CCL24: variants seen among roughly 807,000 people sequenced by gnomAD.
The protein encoded by CCL24 is C-C motif chemokine 24.
A neutral mutation model predicts 8.6 loss-of-function variants in CCL24; 6 were observed. That is an observed-to-expected ratio of 0.70 (90% CI 0.38 to 1.38). The LOEUF (loss-of-function observed/expected upper bound fraction) is 1.38. Among genes scored for constraint, CCL24 ranks in the 40% most tolerant of loss-of-function variants. The pLI, the probability that CCL24 is intolerant of heterozygous loss-of-function variation, is 0.02. For missense variants in CCL24, 126 were observed against 147.1 expected (o/e 0.86, Z 0.74); for synonymous variants, 59 against 52.7 (o/e 1.12, Z -0.52).
chr7:75,813,759 T>A lies in CCL24; in HGVS notation c.-44A>T, dbSNP rs376218311. ...ACCAGCTCGGGGCTCAAAGCTGACG[T>A]GCAGGAGGAAAGGACCTAGGGATAA... On this transcript the variant is annotated 5_prime_UTR_variant, in exon 1 of 3. Coordinates refer to ENST00000222902, the MANE Select transcript of CCL24 (RefSeq NM_002991.3). The A allele has an allele frequency of 3.9e-6, 6 of 1,532,976 alleles. No homozygotes were observed. The East Asian group carries it at 1.3e-4, about 34-fold the overall frequency. 95.0% of individuals were successfully genotyped at this position (1,532,976 alleles called of 1,614,324 possible).
intron 2 of CCL24, among the ~76,000 whole-genome samples, chr7:75,812,455 T>C (rs1192718270): frequency 6.6e-6 from 1 of 152,142 alleles, no homozygotes; most frequent in Non-Finnish European, 1.5e-5. Flanking sequence ...TATGAAGCTA[T>C]TTGGAGGACA....
chr7:75,817,469 G>C (rs1335453558), upstream of CCL24, among the ~76,000 whole-genome samples: 1 of 151,690 alleles, frequency 6.6e-6, no homozygotes, highest in Non-Finnish European at 1.5e-5. Flanking sequence ...TACCCATTAA[G>C]GGCTTTTCCA....
rs1563353739 is a variant in CCL24, at chr7:75,820,025, CT to C, written c.-60+3296del. ...AAGGGCTTTTAGTAAACTACTTCTT[CT>C]TCTTCTTCTTCTTCTTCTTCTTCTT... On this transcript the variant is annotated intron_variant, in intron 1 of 3. Transcript: ENST00000416943. Among the ~76,000 whole-genome samples, 993 of 104,950 alleles carry C rather than the reference CT, an allele frequency of 9.5e-3. 20 individuals are homozygous for C. The highest frequency in any genetic ancestry group is 0.013 in the South Asian group (40 of 2,996). The allele number at this position is 104,950 out of a possible 152,430, so 68.9% of individuals were successfully genotyped here.
rs956054515 is a variant in CCL24, at chr7:75,811,749, G to A, written c.*47C>T. ...GGCTTCTCCAGGCCCCGAGTAGCCC[G>A]CCAAGCAGCTCAGGCCCAAACTCAG... is the stretch of plus-strand genomic sequence containing the variant. On this transcript the variant is annotated 3_prime_UTR_variant, in exon 3 of 3. Transcript: ENST00000222902. 29 of 1,543,256 alleles carry A rather than the reference G, an allele frequency of 1.9e-5. No homozygotes were observed. Among genetic ancestry groups the A allele is most frequent in the East Asian group, 1.6e-4 (7 of 43,376 alleles).
rs757039556 is a variant in CCL24, at chr7:75,810,947, C to T, written c.*849G>A. Reference sequence around the variant, plus strand: ...GAAAAAAAAAGCTAGAGTCTTTTCTCCCCCTAATCCCCCCACCCTATCTTC... The same window carrying T: ...GAAAAAAAAAGCTAGAGTCTTTTCTTCCCCTAATCCCCCCACCCTATCTTC... On this transcript the variant is annotated 3_prime_UTR_variant, in exon 3 of 3. Transcript: ENST00000222902. Among the ~76,000 whole-genome samples, 2 of 151,730 alleles carry T rather than the reference C, an allele frequency of 1.3e-5. No individual in the cohort carries two copies. Among genetic ancestry groups the T allele is most frequent in the East Asian group, 3.9e-4 (2 of 5,176 alleles).
chr7:75,813,629 G>T lies in CCL24; in HGVS notation c.73+14C>A, dbSNP rs781822160. The T allele has an allele frequency of 6.2e-7, 1 of 1,607,780 alleles. No homozygotes were observed. Among genetic ancestry groups the T allele is most frequent in the Non-Finnish European group, 8.5e-7 (1 of 1,174,262 alleles). On this transcript the variant is annotated intron_variant, in intron 1 of 2. Transcript: ENST00000222902. ...AGCCATGCCCTTGGAACTGCATCCTGTCGGAGGTCTTACCCGTAGGGATGA... is the reference window on the plus strand; with the variant it reads ...AGCCATGCCCTTGGAACTGCATCCTTTCGGAGGTCTTACCCGTAGGGATGA...
Position 75,811,912 on chromosome 7 carries a change from C to T in CCL24, c.244G>A (p.Val82Ile), listed in dbSNP as rs1554533497. 1.2e-6 allele frequency: 2 copies of T among 1,610,318 alleles called. No individual in the cohort carries two copies. The highest frequency in any genetic ancestry group is 8.5e-7 in the Non-Finnish European group (1 of 1,179,456). Residue 82 changes from valine to isoleucine, a missense_variant, in exon 3 of 3, where the codon GTC becomes ATC. Physicochemically the swap from Val to Ile is conservative, Grantham distance 29. Coordinates refer to ENST00000222902, the MANE Select transcript of CCL24 (RefSeq NM_002991.3). ...TCCAGGTTCTTCATGTACCTCTGGA[C>T]CCACTCCTGCTTGGGGTCGCCACAG... ...QFCGDPKQEWVQRYMKNLDAK... is the reference protein window; with the variant it reads ...QFCGDPKQEWIQRYMKNLDAK...
At chr7:75,819,774 T>G (rs1178556330) in intron 1 of CCL24, among the ~76,000 whole-genome samples, 3 of 152,078 alleles carry the variant, frequency 2.0e-5, no homozygotes, top group Non-Finnish European at 4.4e-5. Context: ...TACTAAGGTC[T>G]GAACTGAATT....
At chr7:75,816,992 G>A (rs1554534235), upstream of CCL24, among the ~76,000 whole-genome samples, 1 of 152,024 alleles carries the variant, frequency 6.6e-6, no homozygotes. Context: ...AGCATCCTGA[G>A]TAGCTGGGAC....
intron 1 of CCL24, among the ~76,000 whole-genome samples, chr7:75,820,780 C>T (rs1554534983): frequency 6.6e-6 from 1 of 151,382 alleles, no homozygotes; most frequent in African/African-American, 2.4e-5. Flanking sequence ...TCCATTCACC[C>T]ACCCATCTAC....
At chr7:75,815,041 CAT>C (rs1329753964), upstream of CCL24, among the ~76,000 whole-genome samples, 1 of 151,972 alleles carries the variant, frequency 6.6e-6, no homozygotes, top group Non-Finnish European at 1.5e-5. Flanking sequence ...GGAAGGGAAA[CAT>C]AGGAGAAACC....
At position 75,821,378 on chromosome 7, in the gene CCL24, G is replaced by T. The variant is rs567514361; in HGVS notation, c.-60+1944C>A. Among the ~76,000 whole-genome samples the T allele has an allele frequency of 1.8e-4, 27 of 152,212 alleles. 2 individuals carry two copies. The East Asian group carries it at 4.4e-3, about 25-fold the overall frequency. ...AGCCTGTGGTAGGGAATCTAGGATG[G>T]AGAGGTGGAGGAAGTTAGGATGGAA... On this transcript the variant is annotated intron_variant, in intron 1 of 3. Coordinates refer to the CCL24 transcript ENST00000416943.
At chr7:75,818,814 G>T (rs73144162) in intron 1 of CCL24, among the ~76,000 whole-genome samples, 13,950 of 151,844 alleles carry the variant, frequency 0.092, 755 homozygotes, top group East Asian at 0.18. Context: ...GAGAAGTAGC[G>T]TGTTGGCCAG....
intron 1 of CCL24, among the ~76,000 whole-genome samples, chr7:75,821,422 G>C (rs566037121): frequency 2.8e-4 from 43 of 152,072 alleles, no homozygotes; most frequent in Non-Finnish European, 5.6e-4. Context: ...ATGGATTTGA[G>C]GATTACTCAG....
intron 1 of CCL24, among the ~76,000 whole-genome samples, chr7:75,820,020 T>C (rs10272110): frequency 2.4e-5 from 1 of 42,346 alleles, no homozygotes; most frequent in East Asian, 5.5e-4. Context: ...AGTAAACTAC[T>C]TCTTCTTCTT....
chr7:75,813,816 T>A, upstream of CCL24: 1 of 852,114 alleles, frequency 1.2e-6, no homozygotes, highest in African/African-American at 1.7e-5. Flanking sequence ...TACCCCAAAC[T>A]CCCTCCCTCT....
Position 75,810,922 on chromosome 7 carries a change from GA to G in CCL24, c.*873del, listed in dbSNP as rs1188222010. 5.3e-5 allele frequency among the ~76,000 whole-genome samples: 8 copies of G among 150,644 alleles called. No homozygotes were observed. In the South Asian group the frequency reaches 6.3e-4, roughly 12 times the overall value. ...AAACCCACACAGTATATCATGCATA[GA>G]AAAAAAAAGCTAGAGTCTTTTCTCC... On this transcript the variant is annotated 3_prime_UTR_variant, in exon 3 of 3. Coordinates refer to ENST00000222902, the MANE Select transcript of CCL24 (RefSeq NM_002991.3).
chr7:75,819,415 A>T (rs1554534693), intron 1 of CCL24, among the ~76,000 whole-genome samples: 1 of 141,354 alleles, frequency 7.1e-6, no homozygotes, highest in Non-Finnish European at 1.5e-5. Context: ...GCTTGAGCTC[A>T]GGTGTTCGAG....
intron 1 of CCL24, among the ~76,000 whole-genome samples, chr7:75,822,854 C>T (rs1804077870): frequency 6.6e-6 from 1 of 151,988 alleles, no homozygotes; most frequent in Non-Finnish European, 1.5e-5. Flanking sequence ...GAAAAGAAAA[C>T]TGAGGTTTAG....
Sources: allele counts gnomAD v4.1 joint callset (sites outside exome capture counted in the v4.1 genomes callset), GRCh38; gene constraint gnomAD v4.1.1; transcripts MANE v1.5; gene names NCBI Gene and HGNC (gene_info 2026-07-23, HGNC 2026-07-21).